Variants in CSMD1 observed in about 807,000 individuals in gnomAD.
The protein encoded by CSMD1 is CUB and Sushi multiple domains 1.
CSMD1 carries 213 observed loss-of-function variants against 417.5 expected under a neutral mutation model. The ratio of observed to expected loss-of-function variants is 0.51; its 90% CI spans 0.46 to 0.57. The LOEUF is 0.57. Among genes scored for constraint, CSMD1 ranks in the 20% least tolerant of loss-of-function variants. CSMD1 has a pLI of 0.00. For synonymous variants in CSMD1, 2,862 were observed against 1,736.8 expected, an observed-to-expected ratio of 1.65 and a Z score of -16.11; for missense variants, 6,923 against 4,529.7, an observed-to-expected ratio of 1.53 and a Z score of -15.17.
chr8:4,855,154 A>G (rs983169139), intron 1 of CSMD1, among the ~76,000 whole-genome samples: 1 of 151,088 alleles, frequency 6.6e-6, no homozygotes, highest in Admixed American at 6.7e-5. Flanking sequence ...GCAGGGGCAC[A>G]CTGACACCTC....
chr8:4,795,811 T>C (rs1290816535), intron 1 of CSMD1, among the ~76,000 whole-genome samples: 2 of 152,118 alleles, frequency 1.3e-5, no homozygotes. Flanking sequence ...TCACACTAAG[T>C]ACTGTACTGA....
intron 10 of CSMD1, among the ~76,000 whole-genome samples, chr8:3,527,780 C>T (rs1406822641): frequency 1.3e-5 from 2 of 152,130 alleles, no homozygotes; most frequent in African/African-American, 4.8e-5. Flanking sequence ...CCCTTTGGAT[C>T]TGTAAGTATT....
chr8:3,228,761 TA>T (rs1268646381), intron 27 of CSMD1, among the ~76,000 whole-genome samples: 1 of 150,868 alleles, frequency 6.6e-6, no homozygotes, highest in African/African-American at 2.4e-5. Flanking sequence ...TCCACGAGCC[TA>T]AAAACATGCA....
At chr8:4,234,282 C>A (rs1171213734) in intron 3 of CSMD1, among the ~76,000 whole-genome samples, 1 of 152,168 alleles carries the variant, frequency 6.6e-6, no homozygotes, top group Non-Finnish European at 1.5e-5. Context: ...ACGAAGTGAT[C>A]TATGGGACCC....
At chr8:4,844,573 C>A (rs1801024443) in intron 1 of CSMD1, among the ~76,000 whole-genome samples, 2 of 152,168 alleles carry the variant, frequency 1.3e-5, no homozygotes, top group Admixed American at 1.3e-4. Flanking sequence ...GGGTGCACAA[C>A]ATTAAATGGA....
Position 4,393,246 on chromosome 8 carries a change from G to C in CSMD1, c.415+26707C>G, listed in dbSNP as rs146705551. ...CCACATCAGCCTCCCAAAGTGCTGG[G>C]ATTACAGGCGTGAGCCACCCCACCT... is the stretch of plus-strand genomic sequence containing the variant. On this transcript the variant is annotated intron_variant, in intron 3 of 69. Transcript: ENST00000635120. 2.3e-3 allele frequency among the ~76,000 whole-genome samples: 347 copies of C among 152,262 alleles called. 2 individuals carry two copies. Among genetic ancestry groups the C allele is most frequent in the African/African-American group, 7.9e-3 (329 of 41,574 alleles).
At chr8:4,450,539 G>A (rs1403795778) in intron 2 of CSMD1, among the ~76,000 whole-genome samples, 4 of 152,050 alleles carry the variant, frequency 2.6e-5, no homozygotes, top group African/African-American at 7.2e-5. Flanking sequence ...GGAGGCTGAG[G>A]CACGGGATTC....
intron 5 of CSMD1, among the ~76,000 whole-genome samples, chr8:3,949,492 GTTA>G (rs1811458665): frequency 6.6e-6 from 1 of 152,072 alleles, no homozygotes; most frequent in African/African-American, 2.4e-5. Flanking sequence ...AAATTAAAAG[GTTA>G]TTATTACACT....
chr8:3,255,711 T>C (rs1459443452), intron 26 of CSMD1, among the ~76,000 whole-genome samples: 2 of 152,106 alleles, frequency 1.3e-5, no homozygotes, highest in East Asian at 1.9e-4. Flanking sequence ...GCTAAGCCCA[T>C]TGGGAAAGTG....
intron 1 of CSMD1, among the ~76,000 whole-genome samples, chr8:4,685,109 G>T (rs1339104529): frequency 6.6e-6 from 1 of 152,142 alleles, no homozygotes; most frequent in Non-Finnish European, 1.5e-5. Context: ...CTATTATTAT[G>T]AAGATTCAAC....
chr8:3,764,632 C>T (rs577183983), intron 5 of CSMD1, among the ~76,000 whole-genome samples: 1 of 152,086 alleles, frequency 6.6e-6, no homozygotes, highest in Admixed American at 6.5e-5. Context: ...CACATTGTGA[C>T]TTACCATGTG....
intron 3 of CSMD1, among the ~76,000 whole-genome samples, chr8:4,223,333 G>C (rs190515365): frequency 6.6e-6 from 1 of 152,236 alleles, no homozygotes; most frequent in African/African-American, 2.4e-5. Context: ...GAACACTGTT[G>C]TCTCAGAACA....
intron 4 of CSMD1, among the ~76,000 whole-genome samples, chr8:4,020,520 G>A (rs1002586336): frequency 1.1e-4 from 16 of 152,166 alleles, no homozygotes; most frequent in African/African-American, 3.9e-4. Context: ...ACTGCTTTCT[G>A]GATGGGTGAA....
intron 26 of CSMD1, among the ~76,000 whole-genome samples, chr8:3,240,777 G>T (rs942286221): frequency 8.5e-5 from 13 of 152,134 alleles, no homozygotes; most frequent in African/African-American, 1.9e-4. Context: ...CCACTGGGTG[G>T]ATAGGCAAAA....
At chr8:3,014,625 C>A (rs1443864884) in intron 52 of CSMD1, among the ~76,000 whole-genome samples, 1 of 152,126 alleles carries the variant, frequency 6.6e-6, no homozygotes, top group African/African-American at 2.4e-5. Context: ...TTGGGGCGTG[C>A]CAGTTTCTGA....
chr8:4,796,171 T>C (rs572686924), intron 1 of CSMD1, among the ~76,000 whole-genome samples: 18 of 151,348 alleles, frequency 1.2e-4, no homozygotes, highest in South Asian at 4.2e-4. Flanking sequence ...GTTTCGACAA[T>C]GAAGGGAAGA....
intron 1 of CSMD1, among the ~76,000 whole-genome samples, chr8:4,675,725 C>T (rs768440842): frequency 6.6e-6 from 1 of 152,116 alleles, no homozygotes; most frequent in African/African-American, 2.4e-5. Flanking sequence ...CATATTTTCC[C>T]TATTCATCTG....
At chr8:4,273,718 G>A (rs771825242) in intron 3 of CSMD1, among the ~76,000 whole-genome samples, 1 of 152,134 alleles carries the variant, frequency 6.6e-6, no homozygotes, top group Non-Finnish European at 1.5e-5. Flanking sequence ...AAAAGGATTT[G>A]TAGCTAGACC....
intron 1 of CSMD1, among the ~76,000 whole-genome samples, chr8:4,955,904 A>C (rs117790461): frequency 3.1e-3 from 471 of 152,272 alleles, no homozygotes; most frequent in Non-Finnish European, 5.3e-3. Flanking sequence ...AGAGGCAAAA[A>C]ATTATATTTA....
Sources: gnomAD v4.1 joint callset for allele counts (sites outside exome capture counted in the v4.1 genomes callset) on GRCh38, gnomAD v4.1.1 for gene constraint, MANE v1.5 for transcripts, NCBI Gene and HGNC (gene_info 2026-07-23, HGNC 2026-07-21) for gene names.